The following GALNT13 variants were observed in gnomAD, a reference collection of about 807,000 sequenced individuals.
The protein encoded by GALNT13 is UDP-GalNAc:polypeptide N-acetylgalactosaminyltransferase 13.
In GALNT13, 28 loss-of-function variants were observed where a neutral mutation model predicts 64.2. That is an observed-to-expected ratio of 0.44 (90% CI 0.32 to 0.60). The LOEUF (loss-of-function observed/expected upper bound fraction) is 0.60, where lower values mean the gene tolerates loss of function less well. Ranked by LOEUF, GALNT13 falls within the 20% of genes least tolerant of loss-of-function variation. GALNT13 has a pLI of 0.05. For missense variants in GALNT13, 577 were observed against 669.8 expected, an observed-to-expected ratio of 0.86 and a Z score of 1.53; for synonymous variants, 214 against 224.6, an observed-to-expected ratio of 0.95 and a Z score of 0.42.
At chr2:153,630,799 ATATATATATTTTTTTTTTTTTTTTTAT>A in the GALNT13 span, among the ~76,000 whole-genome samples, 1 of 16,166 alleles carries the variant, frequency 6.2e-5, no homozygotes. Context: ...ATATATATAT[ATATATATATTTTTTTTTTTTTTTTTAT>A]TATACTTTAA....
chr2:153,488,872 G>A, the GALNT13 span, among the ~76,000 whole-genome samples: 1 of 152,188 alleles, frequency 6.6e-6, no homozygotes, highest in African/African-American at 2.4e-5. Context: ...AGGTGCCTCT[G>A]CAAAGGAACC....
chr2:153,415,817 T>A, the GALNT13 span, among the ~76,000 whole-genome samples: 5 of 152,214 alleles, frequency 3.3e-5, no homozygotes, highest in African/African-American at 1.2e-4. Context: ...ATTTTTCTTA[T>A]GTTTCTCTGT....
intron 3 of GALNT13, among the ~76,000 whole-genome samples, chr2:153,982,988 T>G (rs1694568510): frequency 6.6e-6 from 1 of 151,988 alleles, no homozygotes; most frequent in Admixed American, 6.6e-5. Context: ...TTTCTTAATG[T>G]ATTGAAACAA....
At chr2:154,332,353 A>C (rs564409200) in intron 9 of GALNT13, among the ~76,000 whole-genome samples, 1 of 152,116 alleles carries the variant, frequency 6.6e-6, no homozygotes, top group South Asian at 2.1e-4. Flanking sequence ...GTTTTGATAA[A>C]TTCTTGAATC....
chr2:153,801,250 C>A, the GALNT13 span, among the ~76,000 whole-genome samples: 2 of 151,328 alleles, frequency 1.3e-5, no homozygotes, highest in East Asian at 3.9e-4. Flanking sequence ...AAATTTTCTT[C>A]AAAAATTTTT....
intron 3 of GALNT13, among the ~76,000 whole-genome samples, chr2:154,125,490 T>C (rs1425258210): frequency 6.6e-6 from 1 of 152,156 alleles, no homozygotes; most frequent in African/African-American, 2.4e-5. Context: ...TATAATTAAA[T>C]GTGTAATTTA....
At chr2:154,433,699 A>T (rs1245701236) in intron 11 of GALNT13, among the ~76,000 whole-genome samples, 1 of 151,708 alleles carries the variant, frequency 6.6e-6, no homozygotes, top group Non-Finnish European at 1.5e-5. Flanking sequence ...ACTACTAAAC[A>T]GTATATTCTA....
chr2:153,271,198 G>A, the GALNT13 span, among the ~76,000 whole-genome samples: 1 of 152,108 alleles, frequency 6.6e-6, no homozygotes, highest in Non-Finnish European at 1.5e-5. Flanking sequence ...AATTCCCTTT[G>A]AAAACCAACA....
chr2:154,060,866 A>AG (rs1177554152), intron 3 of GALNT13, among the ~76,000 whole-genome samples: 12 of 152,056 alleles, frequency 7.9e-5, no homozygotes, highest in Non-Finnish European at 1.8e-4. Context: ...GTCAGCCTCC[A>AG]GGGGGACACA....
chr2:153,226,884 G>A, the GALNT13 span, among the ~76,000 whole-genome samples: 14 of 152,326 alleles, frequency 9.2e-5, no homozygotes, highest in African/African-American at 3.4e-4. Flanking sequence ...GAATAATAGG[G>A]GAAACTGGGT....
the GALNT13 span, among the ~76,000 whole-genome samples, chr2:153,853,707 A>G: frequency 0.87 from 129,894 of 149,860 alleles, 57,301 homozygotes; most frequent in Non-Finnish European, 0.94. Flanking sequence ...GCATAATATC[A>G]TATAATTATA....
chr2:153,407,195 T>A, the GALNT13 span, among the ~76,000 whole-genome samples: 21 of 152,182 alleles, frequency 1.4e-4, no homozygotes, highest in Non-Finnish European at 2.8e-4. Flanking sequence ...TCTCAGGCCC[T>A]ACCCCAGCCC....
intron 9 of GALNT13, among the ~76,000 whole-genome samples, chr2:154,341,526 G>C (rs1695772403): frequency 1.3e-5 from 2 of 152,050 alleles, no homozygotes; most frequent in African/African-American, 4.8e-5. Flanking sequence ...TCCAGACATA[G>C]GTGGGACTGT....
the GALNT13 span, among the ~76,000 whole-genome samples, chr2:153,349,621 C>G: frequency 6.6e-6 from 1 of 152,184 alleles, no homozygotes; most frequent in Non-Finnish European, 1.5e-5. Context: ...AGAAAGCACT[C>G]AGAGCTCTTT....
intron 8 of GALNT13, among the ~76,000 whole-genome samples, chr2:154,281,016 A>T (rs1691935031): frequency 6.6e-6 from 1 of 152,222 alleles, no homozygotes; most frequent in African/African-American, 2.4e-5. Context: ...TTGTCTTAAT[A>T]ATCACTTAAA....
At chr2:153,290,257 A>C in the GALNT13 span, among the ~76,000 whole-genome samples, 1 of 152,168 alleles carries the variant, frequency 6.6e-6, no homozygotes, top group Non-Finnish European at 1.5e-5. Flanking sequence ...TTTGGTAAGA[A>C]ACAGGCTAGC....
the GALNT13 span, among the ~76,000 whole-genome samples, chr2:153,726,939 C>CAA: frequency 1.9e-3 from 97 of 50,744 alleles, no homozygotes; most frequent in Non-Finnish European, 2.9e-3. Flanking sequence ...GACTCCATCT[C>CAA]AAAAAAAAAA....
At chr2:154,105,545 C>A (rs1196272695) in intron 3 of GALNT13, among the ~76,000 whole-genome samples, 1 of 152,062 alleles carries the variant, frequency 6.6e-6, no homozygotes, top group Non-Finnish European at 1.5e-5. Flanking sequence ...TAGTCTATCC[C>A]ACCTAGATTT....
intron 3 of GALNT13, among the ~76,000 whole-genome samples, chr2:154,015,700 A>G (rs1558908979): frequency 6.6e-6 from 1 of 152,198 alleles, no homozygotes; most frequent in African/African-American, 2.4e-5. Flanking sequence ...TTTAAATCAC[A>G]TAATAATATC....
Sources: gnomAD v4.1 joint callset for allele counts (sites outside exome capture counted in the v4.1 genomes callset) on GRCh38, gnomAD v4.1.1 for gene constraint, MANE v1.5 for transcripts, NCBI Gene and HGNC (gene_info 2026-07-23, HGNC 2026-07-21) for gene names.